Variants in LAMP2 observed in about 807,000 individuals in gnomAD.
LAMP2 encodes the protein lysosome associated membrane protein 2, also known as lysosome-associated membrane glycoprotein 2.
LAMP2 carries 4 observed loss-of-function variants against 25.6 expected under a neutral mutation model. That is an observed-to-expected ratio of 0.16 (90% CI 0.08 to 0.36). The LOEUF (loss-of-function observed/expected upper bound fraction) is 0.36. Ranked by LOEUF, LAMP2 falls within the 10% of genes least tolerant of loss-of-function variation. LAMP2 has a pLI of 1.00. For missense variants in LAMP2, 272 were observed against 301.4 expected (o/e 0.90, Z 0.72); for synonymous variants, 108 against 112.7 (o/e 0.96, Z 0.27).
At chrX:120,437,613 T>A (rs1237076591) in intron 8 of LAMP2, 1 of 747,182 alleles carries the variant, frequency 1.3e-6, no homozygotes, top group Non-Finnish European at 1.6e-6. Flanking sequence ...ACACGGTAAT[T>A]TGACAATTGG....
At chrX:120,438,799 G>A in intron 8 of LAMP2, 1 of 828,800 alleles carries the variant, frequency 1.2e-6, no homozygotes, top group Middle Eastern at 6.2e-4. Context: ...CTACCTGCAG[G>A]GAAAAAAAAT....
chrX:120,436,732 G>C (rs187317957), intron 8 of LAMP2: 1 of 724,215 alleles, frequency 1.4e-6, no homozygotes, highest in African/African-American at 2.3e-5. Flanking sequence ...AACTACAAAA[G>C]GTACAAAGAA....
chrX:120,447,761 A>G, intron 5 of LAMP2, 80 bp downstream of exon 5: 13 of 865,223 alleles, frequency 1.5e-5, no homozygotes, highest in Non-Finnish European at 2.0e-5. Context: ...TAGTAACACT[A>G]CCTTTGGGCT....
chrX:120,456,795 T>C, intron 1 of LAMP2, 26 bp from the exon 2 acceptor site: 1 of 861,071 alleles, frequency 1.2e-6, no homozygotes, highest in Non-Finnish European at 1.7e-6. Context: ...AAAATAATAT[T>C]TTAAAATTGT....
At position 120,447,950 on chromosome X, in the gene LAMP2, G is replaced by A; in HGVS notation, c.632C>T (p.Thr211Ile). The A allele has an allele frequency of 5.0e-6, 6 of 1,209,740 alleles. No homozygotes were observed. The highest frequency in any genetic ancestry group is 5.6e-6 in the Non-Finnish European group (5 of 893,773). The change falls in exon 5 of 9, where the codon ACA becomes ATA. Residue 211 changes from threonine to isoleucine, a missense_variant. Thr to Ile is a moderately conservative substitution (Grantham distance 89). Transcript: ENST00000200639. ...TTCTGGTTTTTCCTTTGGAGTAGGTGTTGTAGTAGGAGATGGCACAGTGGT... is the reference window on the plus strand; with the variant it reads ...TTCTGGTTTTTCCTTTGGAGTAGGTATTGTAGTAGGAGATGGCACAGTGGT... ...IHTTVPSPTTTPTPKEKPEAG... is the reference protein window; with the variant it reads ...IHTTVPSPTTIPTPKEKPEAG...
intron 8 of LAMP2, chrX:120,437,706 T>A (rs1326572545): frequency 1.3e-6 from 1 of 745,315 alleles, no homozygotes; most frequent in African/African-American, 2.3e-5. Context: ...CAACGAAAGT[T>A]TTGATTAGCA....
intron 8 of LAMP2, chrX:120,439,313 T>C (rs762694774): frequency 2.2e-5 from 26 of 1,183,626 alleles, no homozygotes; most frequent in Non-Finnish European, 3.0e-5. Flanking sequence ...AGAAAAAGTG[T>C]GTAATAAATA....
At chrX:120,437,041 C>A (rs2058547784) in intron 8 of LAMP2, 1 of 735,865 alleles carries the variant, frequency 1.4e-6, no homozygotes, top group Non-Finnish European at 1.6e-6. Context: ...AACAATTTTA[C>A]ACTAAAACAC....
At chrX:120,451,139 G>A (rs1175336265) in intron 3 of LAMP2, among the ~76,000 whole-genome samples, 1 of 110,364 alleles carries the variant, frequency 9.1e-6, no homozygotes, top group African/African-American at 3.3e-5. Context: ...TGTTGGTCTC[G>A]AACTTCTGAC....
At chrX:120,439,844 A>G (rs1237862475) in intron 8 of LAMP2, among the ~76,000 whole-genome samples, 1 of 110,879 alleles carries the variant, frequency 9.0e-6, no homozygotes, top group Non-Finnish European at 1.9e-5. Context: ...TGGTAGAGTG[A>G]ATGTCTTTTG....
chrX:120,454,221 T>G (rs932730269), intron 3 of LAMP2, among the ~76,000 whole-genome samples: 2 of 84,218 alleles, frequency 2.4e-5, no homozygotes, highest in Admixed American at 2.5e-4. Context: ...ATGTCAGTTA[T>G]CAGATCAAAA....
At chrX:120,463,965 T>C (rs887930774) in intron 1 of LAMP2, among the ~76,000 whole-genome samples, 3 of 109,604 alleles carry the variant, frequency 2.7e-5, no homozygotes, top group Admixed American at 9.7e-5. Context: ...TCCTTTACAG[T>C]ATCTCTATTA....
chrX:120,469,317 C>A, upstream of LAMP2: 2 of 548,887 alleles, frequency 3.6e-6, no homozygotes, highest in Non-Finnish European at 6.1e-6. Flanking sequence ...CGCTTCAGTG[C>A]GAGTCATAAG....
chrX:120,436,162 A>T (rs866942068), intron 8 of LAMP2, among the ~76,000 whole-genome samples: 5 of 87,160 alleles, frequency 5.7e-5, no homozygotes, highest in East Asian at 3.6e-4. Context: ...ACACACACAC[A>T]CACACACACT....
At chrX:120,467,848 C>T (rs1214033998) in intron 1 of LAMP2, among the ~76,000 whole-genome samples, 1 of 112,126 alleles carries the variant, frequency 8.9e-6, no homozygotes, top group Non-Finnish European at 1.9e-5. Flanking sequence ...CTGCAACCTC[C>T]GCCTTCTGGG....
At chrX:120,454,581 C>T (rs1402186055) in intron 3 of LAMP2, among the ~76,000 whole-genome samples, 1 of 107,855 alleles carries the variant, frequency 9.3e-6, no homozygotes, top group African/African-American at 3.4e-5. Flanking sequence ...AGTGAGACAC[C>T]CCCCCCAACC....
At position 120,449,054 on chromosome X, in the gene LAMP2, T is replaced by C. The variant is rs138374063; in HGVS notation, c.472A>G (p.Thr158Ala). 2.7e-5 allele frequency: 33 copies of C among 1,203,455 alleles called. No homozygotes were observed. The highest frequency in any genetic ancestry group is 3.3e-5 in the Non-Finnish European group (29 of 888,982). The change falls in exon 4 of 9, where the codon ACT (threonine) becomes GCT (alanine). Residue 158 changes from threonine to alanine, a missense_variant. Coordinates refer to ENST00000200639, the MANE Select transcript of LAMP2 (RefSeq NM_002294.3). ...NDLFRCNSLS[T>A]LEKNDVVQHY... ...TGGACAACATCATTCTTTTCCAAAG[T>C]TGATAAACTATTGCATCTAAAAAGG...
intron 8 of LAMP2, among the ~76,000 whole-genome samples, chrX:120,432,553 A>G (rs1247794970): frequency 9.0e-6 from 1 of 111,514 alleles, no homozygotes; most frequent in Non-Finnish European, 1.9e-5. Flanking sequence ...TGCAGAAGAA[A>G]AGCAGAAGGC....
At chrX:120,435,866 C>T (rs1480944826) in intron 8 of LAMP2, among the ~76,000 whole-genome samples, 1 of 110,880 alleles carries the variant, frequency 9.0e-6, no homozygotes, top group Non-Finnish European at 1.9e-5. Context: ...GGTAACTATC[C>T]GTATATGGAA....
Sources: gnomAD v4.1 joint callset for allele counts (sites outside exome capture counted in the v4.1 genomes callset) on GRCh38, gnomAD v4.1.1 for gene constraint, MANE v1.5 for transcripts, NCBI Gene and HGNC (gene_info 2026-07-23, HGNC 2026-07-21) for gene names.